Variants in DCC observed in about 807,000 individuals in gnomAD.
DCC encodes the protein netrin receptor DCC.
A neutral mutation model predicts 172.5 loss-of-function variants in DCC; 58 were observed. The ratio of observed to expected loss-of-function variants is 0.34; its 90% CI spans 0.27 to 0.42. The LOEUF (loss-of-function observed/expected upper bound fraction) is 0.42, where lower values mean the gene tolerates loss of function less well. DCC is among the 10% of genes least tolerant of loss of function. The pLI, the probability that DCC is intolerant of heterozygous loss-of-function variation, is 1.00. For synonymous variants in DCC, 709 were observed against 644.5 expected, an observed-to-expected ratio of 1.10 and a Z score of -1.52; for missense variants, 1,740 against 1,791.0, an observed-to-expected ratio of 0.97 and a Z score of 0.51.
chr18:53,527,206 C>CTT (rs1212450703), intron 28 of DCC, among the ~76,000 whole-genome samples: 2 of 133,978 alleles, frequency 1.5e-5, no homozygotes, highest in African/African-American at 5.4e-5. Flanking sequence ...CTTCTTCTTC[C>CTT]TTTTTTTTTT....
intron 4 of DCC, among the ~76,000 whole-genome samples, chr18:52,924,887 G>A (rs1419631739): frequency 6.6e-6 from 1 of 151,902 alleles, no homozygotes; most frequent in African/African-American, 2.4e-5. Context: ...CAGGACACAG[G>A]ACATTGATTT....
At chr18:52,647,515 T>G (rs2035041403) in intron 1 of DCC, among the ~76,000 whole-genome samples, 1 of 152,142 alleles carries the variant, frequency 6.6e-6, no homozygotes, top group African/African-American at 2.4e-5. Flanking sequence ...TGCACTGAAA[T>G]CCTTTGAGTA....
chr18:53,043,547 T>G (rs1418125273), intron 5 of DCC, among the ~76,000 whole-genome samples: 2 of 151,908 alleles, frequency 1.3e-5, no homozygotes, highest in Non-Finnish European at 2.9e-5. Flanking sequence ...CAAAGCCTAG[T>G]TCCCTGAATA....
intron 2 of DCC, among the ~76,000 whole-genome samples, chr18:52,837,594 T>A (rs936933558): frequency 1.2e-4 from 19 of 152,168 alleles, no homozygotes; most frequent in Admixed American, 2.6e-4. Flanking sequence ...TTGGTCCCTA[T>A]CACTGTCAGC....
At chr18:52,906,592 G>C (rs2039886258) in intron 3 of DCC, among the ~76,000 whole-genome samples, 1 of 148,550 alleles carries the variant, frequency 6.7e-6, no homozygotes, top group Non-Finnish European at 1.5e-5. Context: ...TTAATATTTA[G>C]TGAGTATTTC....
chr18:53,535,242 AAG>A lies in DCC; in HGVS notation c.*4590_*4591del, dbSNP rs2046563523. 1 of 152,172 alleles carries A rather than the reference AAG, an allele frequency of 6.6e-6. No homozygotes were observed. The highest frequency in any genetic ancestry group is 6.5e-5 in the Admixed American group (1 of 15,268). 9.4% of individuals were successfully genotyped at this position (152,172 alleles called of 1,614,324 possible). On this transcript the variant is annotated 3_prime_UTR_variant, in exon 29 of 29. Transcript: ENST00000442544. ...TTCTTTTTGGATAATTTATGATAAA[AAG>A]GGAGATCTGGTTGGGATCTAGATAC...
intron 1 of DCC, among the ~76,000 whole-genome samples, chr18:52,642,012 GTGTATATATA>G (rs200868293): frequency 0.082 from 2,894 of 35,454 alleles, 58 homozygotes; most frequent in South Asian, 0.13. Flanking sequence ...TGGTGTGTGT[GTGTATATATA>G]TATATATATA....
At chr18:53,017,134 A>G (rs2041818531) in intron 5 of DCC, among the ~76,000 whole-genome samples, 2 of 135,406 alleles carry the variant, frequency 1.5e-5, no homozygotes, top group Admixed American at 8.3e-5. Flanking sequence ...GGAGTGCAGT[A>G]GCGCCATCTC....
chr18:52,340,940 T>C (rs1568123071), intron 1 of DCC, 62 bp downstream of exon 1: 3 of 1,315,220 alleles, frequency 2.3e-6, no homozygotes, highest in African/African-American at 1.5e-5. Flanking sequence ...CCCTTCTCAT[T>C]TCATTTGGCG....
At chr18:53,425,355 C>CTTTTT (rs1338640000) in intron 21 of DCC, among the ~76,000 whole-genome samples, 6 of 86,488 alleles carry the variant, frequency 6.9e-5, no homozygotes, top group African/African-American at 1.7e-4. Context: ...CGTTTCTCCT[C>CTTTTT]TCTTTTTTTT....
intron 15 of DCC, among the ~76,000 whole-genome samples, chr18:53,345,781 A>T (rs2057717066): frequency 6.7e-6 from 1 of 148,628 alleles, no homozygotes; most frequent in African/African-American, 2.5e-5. Flanking sequence ...TCTTTCCTCC[A>T]GTTCTTTCAA....
chr18:53,063,521 T>C, intron 6 of DCC, 62 bp downstream of exon 6: 1 of 1,376,932 alleles, frequency 7.3e-7, no homozygotes, highest in South Asian at 1.3e-5. Context: ...TTTTTTCACT[T>C]GTTTTTATTT....
At chr18:52,742,958 T>C (rs1226802557) in intron 1 of DCC, among the ~76,000 whole-genome samples, 3 of 152,220 alleles carry the variant, frequency 2.0e-5, no homozygotes, top group African/African-American at 7.2e-5. Flanking sequence ...ACAGAAACTT[T>C]AACAGTTTCT....
At chr18:53,510,905 C>T (rs2046243422) in intron 27 of DCC, among the ~76,000 whole-genome samples, 1 of 152,182 alleles carries the variant, frequency 6.6e-6, no homozygotes, top group Non-Finnish European at 1.5e-5. Flanking sequence ...ATTGTCTGGC[C>T]TGTTCTGTTT....
intron 5 of DCC, among the ~76,000 whole-genome samples, chr18:52,986,149 C>A (rs2041289408): frequency 6.6e-6 from 1 of 152,182 alleles, no homozygotes; most frequent in Non-Finnish European, 1.5e-5. Flanking sequence ...GGCTGACCAA[C>A]TAGGTTGGTG....
intron 8 of DCC, among the ~76,000 whole-genome samples, chr18:53,177,479 A>G (rs1264364558): frequency 1.3e-5 from 2 of 152,196 alleles, no homozygotes; most frequent in Non-Finnish European, 2.9e-5. Context: ...TAAGCCCTAA[A>G]ATATATAATG....
chr18:52,415,282 G>A lies in DCC; in HGVS notation c.91+74404G>A, dbSNP rs562170729. Among the ~76,000 whole-genome samples, 4 of 152,278 alleles carry A rather than the reference G, an allele frequency of 2.6e-5. No individual in the cohort carries two copies. The East Asian group carries it at 7.7e-4, about 29-fold the overall frequency. On this transcript the variant is annotated intron_variant, in intron 1 of 28. Transcript: ENST00000442544. ...TTACCAATTATAATACATGATGGAAGAAGTTGGATTTAGTGCGGCATAGTG... is the reference window on the plus strand; with the variant it reads ...TTACCAATTATAATACATGATGGAAAAAGTTGGATTTAGTGCGGCATAGTG...
At chr18:52,366,551 C>G (rs931538478) in intron 1 of DCC, among the ~76,000 whole-genome samples, 1 of 152,084 alleles carries the variant, frequency 6.6e-6, no homozygotes, top group Admixed American at 6.5e-5. Context: ...ACAGAGTTTC[C>G]ACACACAGGT....
chr18:53,138,998 C>T (rs1833317592), intron 7 of DCC, among the ~76,000 whole-genome samples: 1 of 152,110 alleles, frequency 6.6e-6, no homozygotes, highest in African/African-American at 2.4e-5. Context: ...ATGATTACAT[C>T]CAAGAGCTCA....
Sources: allele counts gnomAD v4.1 joint callset (sites outside exome capture counted in the v4.1 genomes callset), GRCh38; gene constraint gnomAD v4.1.1; transcripts MANE v1.5; gene names NCBI Gene and HGNC (gene_info 2026-07-23, HGNC 2026-07-21).